CSMD2: variants seen among roughly 807,000 people sequenced by gnomAD.
The protein encoded by CSMD2 is CUB and Sushi multiple domains 2, also known as CUB and sushi domain-containing protein 2.
CSMD2 carries 130 observed loss-of-function variants against 398.5 expected under a neutral mutation model. The ratio of observed to expected loss-of-function variants is 0.33; its 90% CI spans 0.28 to 0.38. CSMD2 has a LOEUF of 0.38. Among genes scored for constraint, CSMD2 ranks in the 10% least tolerant of loss-of-function variants. The pLI, the probability that CSMD2 is intolerant of heterozygous loss-of-function variation, is 1.00. For synonymous variants in CSMD2, 1,828 were observed against 1,908.5 expected (o/e 0.96, Z 1.10); for missense variants, 3,829 against 4,764.9 (o/e 0.80, Z 5.78).
intron 29 of CSMD2, among the ~76,000 whole-genome samples, chr1:33,639,713 AT>A (rs1263577339): frequency 6.6e-6 from 1 of 152,194 alleles, no homozygotes; most frequent in African/African-American, 2.4e-5. Context: ...CACATCAACG[AT>A]TCCAACTACA....
intron 1 of CSMD2, among the ~76,000 whole-genome samples, chr1:34,159,334 C>G (rs1031751143): frequency 1.6e-4 from 11 of 70,146 alleles, no homozygotes; most frequent in African/African-American, 5.4e-4. Context: ...GCCTGCCCCC[C>G]CCCCACCCAG....
At chr1:33,854,496 A>G (rs1638933072) in intron 5 of CSMD2, among the ~76,000 whole-genome samples, 1 of 152,208 alleles carries the variant, frequency 6.6e-6, no homozygotes. Flanking sequence ...CGGGTTTCCC[A>G]TGGCACTGCC....
Position 33,541,217 on chromosome 1 carries a change from G to C in CSMD2, c.9370C>G (p.Pro3124Ala), listed in dbSNP as rs550055536. 2 of 1,613,888 alleles carry C rather than the reference G, an allele frequency of 1.2e-6. No homozygotes were observed. Among genetic ancestry groups the C allele is most frequent in the Non-Finnish European group, 1.7e-6 (2 of 1,179,934 alleles). Residue 3124 changes from proline to alanine, a missense_variant, in exon 59 of 71, where the codon CCT becomes GCT. Around this residue, in one of 5 missense-constraint regions of CSMD2, gnomAD observed 917 missense variants for 1,199.5 expected, o/e 0.76. Transcript: ENST00000373381. ...CTATGTGACTCCATCATATAGCCAG[G>C]GACACACTGATATGTCACAGTTTTG... ...YNKTVTYQCV[P>A]GYMMESHRVS...
At chr1:33,812,152 C>A (rs1656935443) in intron 9 of CSMD2, among the ~76,000 whole-genome samples, 1 of 152,106 alleles carries the variant, frequency 6.6e-6, no homozygotes, top group Admixed American at 6.5e-5. Flanking sequence ...TATTGAGTGC[C>A]TACTATGGGC....
At chr1:34,027,541 G>C (rs1029198089) in intron 3 of CSMD2, among the ~76,000 whole-genome samples, 2 of 152,210 alleles carry the variant, frequency 1.3e-5, no homozygotes, top group Non-Finnish European at 2.9e-5. Flanking sequence ...AAGATAATTA[G>C]ATGAGGGCTT....
rs753110129 is a variant in CSMD2 at position 33,714,683 on chromosome 1, A to C, written c.3310T>G (p.Ser1104Ala). The C allele has an allele frequency of 6.2e-7, 1 of 1,614,022 alleles. No homozygotes were observed. Among genetic ancestry groups the C allele is most frequent in the South Asian group, 1.1e-5 (1 of 91,082 alleles). Residue 1104 changes from serine (S) to alanine (A), a missense_variant, in exon 21 of 71, where the codon TCC becomes GCC. Coordinates refer to ENST00000373381, the MANE Select transcript of CSMD2 (RefSeq NM_001281956.2). ...TCCAGACGGTACCCGGGGAAGCAGG[A>C]GAAGGTCAAGGTGTCGCCCACGCCA... is the stretch of plus-strand genomic sequence containing the variant. Reference protein sequence around the residue: ...QFGVGDTLTFSCFPGYRLEGT... With the variant: ...QFGVGDTLTFACFPGYRLEGT...
chr1:33,768,508 C>T (rs1482028460), intron 13 of CSMD2, among the ~76,000 whole-genome samples: 1 of 151,246 alleles, frequency 6.6e-6, no homozygotes, highest in Non-Finnish European at 1.5e-5. Context: ...GATCCCATTA[C>T]CCAATTCATC....
At chr1:33,992,290 C>T (rs1480175285) in intron 3 of CSMD2, among the ~76,000 whole-genome samples, 1 of 152,250 alleles carries the variant, frequency 6.6e-6, no homozygotes, top group East Asian at 1.9e-4. Flanking sequence ...TCACTGAAGC[C>T]TCGACCTCCC....
intron 3 of CSMD2, among the ~76,000 whole-genome samples, chr1:33,991,692 C>T (rs1646558509): frequency 6.6e-6 from 1 of 152,132 alleles, no homozygotes; most frequent in Non-Finnish European, 1.5e-5. Context: ...CACGGGGAGT[C>T]AGAAAACAGC....
chr1:34,141,701 T>G (rs1019608264), intron 1 of CSMD2, among the ~76,000 whole-genome samples: 8 of 151,956 alleles, frequency 5.3e-5, no homozygotes, highest in Admixed American at 4.6e-4. Flanking sequence ...GAAAGGACCT[T>G]GACTTATTTC....
At chr1:34,085,339 C>G (rs945704116) in intron 2 of CSMD2, among the ~76,000 whole-genome samples, 2 of 151,672 alleles carry the variant, frequency 1.3e-5, no homozygotes, top group African/African-American at 2.4e-5. Flanking sequence ...ATGTAACAAA[C>G]CTGCACGTTG....
In CSMD2 at chr1:33,519,931, T is replaced by A; in HGVS notation, c.10617A>T (p.Ser3539=). 6.2e-7 allele frequency: 1 copy of A among 1,614,168 alleles called. No homozygotes were observed. Among genetic ancestry groups the A allele is most frequent in the Non-Finnish European group, 8.5e-7 (1 of 1,180,028 alleles). The change falls in exon 69 of 71, where the codon TCA becomes TCT. Residue 3539 remains serine (S), a synonymous_variant. Coordinates refer to ENST00000373381, the MANE Select transcript of CSMD2 (RefSeq NM_001281956.2). This position sits in a 1 kb window ranked among gnomAD's most constrained non-coding sequence, Gnocchi z 5.6. ...AGTGGCGGCCAATGGACTCGGGGTC[T>A]GACTCCAGCAGCCTGAGGTCTGTAA... The part of the protein sequence containing the change: ...FQRLDLRLLE[S]DPESIGRHFA...
At chr1:33,920,110 G>A (rs967664222) in intron 4 of CSMD2, among the ~76,000 whole-genome samples, 65 of 152,136 alleles carry the variant, frequency 4.3e-4, no homozygotes, top group Non-Finnish European at 1.5e-5. Flanking sequence ...TGACATTTGA[G>A]CCAAGACTTG....
In CSMD2 at chr1:34,164,398, C is replaced by G. The variant is rs1397077000; in HGVS notation, c.187+513G>C. Among the ~76,000 whole-genome samples the G allele has an allele frequency of 1.3e-5, 2 of 151,946 alleles. No homozygotes were observed. Among genetic ancestry groups the G allele is most frequent in the East Asian group, 3.9e-4 (2 of 5,132 alleles). ...TCTGCAGTCGGTTCCAGAGGGGGCA[C>G]CGGTTTCAATTGGAGAAAATGGGCG... On this transcript the variant is annotated intron_variant, in intron 1 of 70. Coordinates refer to ENST00000373381, the MANE Select transcript of CSMD2 (RefSeq NM_001281956.2). This position sits in a 1 kb window ranked among gnomAD's most constrained non-coding sequence, Gnocchi z 6.2.
At chr1:33,627,171 G>C (rs1642180109) in intron 32 of CSMD2, among the ~76,000 whole-genome samples, 1 of 152,160 alleles carries the variant, frequency 6.6e-6, no homozygotes, top group South Asian at 2.1e-4. Context: ...CAATAGTTAT[G>C]GTGGGACTGT....
At chr1:34,038,176 G>A in intron 2 of CSMD2, among the ~76,000 whole-genome samples, 1 of 152,164 alleles carries the variant, frequency 6.6e-6, no homozygotes, top group East Asian at 1.9e-4. Flanking sequence ...AGGAGCTATG[G>A]TGTTGCATGA....
chr1:33,688,200 G>T (rs1262573687), intron 25 of CSMD2, among the ~76,000 whole-genome samples: 1 of 152,130 alleles, frequency 6.6e-6, no homozygotes, highest in East Asian at 1.9e-4. Context: ...ATAAATTATG[G>T]TGGTACATAC....
intron 5 of CSMD2, among the ~76,000 whole-genome samples, chr1:33,897,517 C>G (rs1470774989): frequency 6.6e-6 from 1 of 152,210 alleles, no homozygotes; most frequent in African/African-American, 2.4e-5. Flanking sequence ...TTTAACAATG[C>G]AAGTAAAAAC....
At chr1:33,610,919 G>C in intron 41 of CSMD2, 122 bp downstream of exon 41, 1 of 898,740 alleles carries the variant, frequency 1.1e-6, no homozygotes, top group Non-Finnish European at 1.7e-6. Context: ...GACTGGGCCT[G>C]CCACCGCAAC....
Sources: allele counts gnomAD v4.1 joint callset (sites outside exome capture counted in the v4.1 genomes callset), GRCh38; gene constraint gnomAD v4.1.1; regional missense constraint gnomAD v4.1.1; non-coding constraint Gnocchi (gnomAD v3.1); transcripts MANE v1.5; gene names NCBI Gene and HGNC (gene_info 2026-07-23, HGNC 2026-07-21).